PADI1: variants seen among roughly 807,000 people sequenced by gnomAD.
PADI1 encodes protein-arginine deiminase type-1.
PADI1 carries 65 observed loss-of-function variants against 74.8 expected under a neutral mutation model. That is an observed-to-expected ratio of 0.87 (90% CI 0.71 to 1.07). The LOEUF (loss-of-function observed/expected upper bound fraction) is 1.07. Among genes scored for constraint, PADI1 ranks in the 50% least tolerant of loss-of-function variants. The pLI, the probability that PADI1 is intolerant of heterozygous loss-of-function variation, is 0.00. For missense variants in PADI1, 943 were observed against 854.0 expected (o/e 1.10, Z -1.30); for synonymous variants, 371 against 336.2 (o/e 1.10, Z -1.13).
intron 2 of PADI1, 48 bp downstream of exon 2, chr1:17,222,518 A>G: frequency 7.0e-7 from 1 of 1,428,650 alleles, no homozygotes; most frequent in African/African-American, 1.4e-5. Flanking sequence ...CTCCACCCCC[A>G]TCCAAGGTAA....
chr1:17,223,585 G>T (rs754929800), intron 2 of PADI1, 36 bp from the exon 3 acceptor site: 5 of 1,559,322 alleles, frequency 3.2e-6, no homozygotes, highest in Non-Finnish European at 4.4e-6. Flanking sequence ...ATCTCTGAAG[G>T]TGATGGCCGT....
At chr1:17,227,029 C>CT (rs201738824) in intron 6 of PADI1, among the ~76,000 whole-genome samples, 9 of 140,468 alleles carry the variant, frequency 6.4e-5, no homozygotes, top group African/African-American at 1.6e-4. Context: ...GAGACTCTGT[C>CT]TAAAAAAAAA....
At chr1:17,240,902 T>C (rs2072763056) in intron 15 of PADI1, 142 bp downstream of exon 15, 1 of 987,472 alleles carries the variant, frequency 1.0e-6, no homozygotes, top group Non-Finnish European at 1.5e-6. Flanking sequence ...ATAGAGAACA[T>C]TCCCATCAGT....
In PADI1 at chr1:17,226,176, G is replaced by A. The variant is rs1412759437; in HGVS notation, c.652+18G>A. On this transcript the variant is annotated intron_variant, in intron 6 of 15. Coordinates refer to ENST00000375471, the MANE Select transcript of PADI1 (RefSeq NM_013358.3). ...TGCCAGGGGTGAGTGGCCTGATGGG[G>A]CCTTTTCCTCCCAGCTCCATCCATA... is the stretch of plus-strand genomic sequence containing the variant. 3 of 1,613,552 alleles carry A rather than the reference G, an allele frequency of 1.9e-6. No individual in the cohort carries two copies. Among genetic ancestry groups the A allele is most frequent in the East Asian group, 2.2e-5 (1 of 44,874 alleles).
chr1:17,242,531 G>A (rs528949270), intron 15 of PADI1, among the ~76,000 whole-genome samples: 53 of 152,316 alleles, frequency 3.5e-4, no homozygotes, highest in Non-Finnish European at 4.7e-4. Flanking sequence ...AGGCTGGAGC[G>A]TGTGTGTCTG....
At chr1:17,227,439 G>A (rs1368585917) in intron 6 of PADI1, among the ~76,000 whole-genome samples, 1 of 150,554 alleles carries the variant, frequency 6.6e-6, no homozygotes, top group Admixed American at 6.6e-5. Context: ...GCTGAAGTGG[G>A]AGGATCACTT....
chr1:17,223,108 C>G (rs778664303), intron 2 of PADI1, among the ~76,000 whole-genome samples: 11 of 152,158 alleles, frequency 7.2e-5, no homozygotes, highest in Non-Finnish European at 1.5e-4. Context: ...AGGCAGGGTC[C>G]GGACAGTCTC....
At position 17,232,814 on chromosome 1, in the gene PADI1, C is replaced by T. The variant is rs180710990; in HGVS notation, c.1162-5C>T. On this transcript the variant is annotated splice_region_variant and splice_polypyrimidine_tract_variant and intron_variant, in intron 10 of 15. Transcript: ENST00000375471. ...GGGGTGGGGGTCTCGCTGGTTCTTC[C>T]ATAGGGTCCTGACTTTGGATATGTT... is the stretch of plus-strand genomic sequence containing the variant. The T allele has an allele frequency of 1.6e-3, 2,559 of 1,609,152 alleles. 7 individuals carry two copies. The highest frequency in any genetic ancestry group is 2.0e-3 in the Non-Finnish European group (2,384 of 1,176,972).
intron 8 of PADI1, among the ~76,000 whole-genome samples, chr1:17,229,554 C>T (rs1229543481): frequency 2.0e-5 from 3 of 152,216 alleles, no homozygotes; most frequent in East Asian, 1.9e-4. Flanking sequence ...CCCTGCCAGG[C>T]CTCTGTGCCA....
rs1256093142 is a variant in PADI1, at chr1:17,225,924, G to A, written c.522G>A (p.Leu174=). ...PDLTHSWLMS[L]ADLQDMSPML... is the part of the protein sequence containing the mutation. ...TCACCCACAGCTGGCTGATGTCGCT[G>A]GCTGGTGAGTGACACAAGGTGTTGT... Residue 174 remains leucine, a synonymous_variant, in exon 5 of 16, where the codon CTG becomes CTA. Coordinates refer to ENST00000375471, the MANE Select transcript of PADI1 (RefSeq NM_013358.3). 2 of 1,613,638 alleles carry A rather than the reference G, an allele frequency of 1.2e-6. No individual in the cohort carries two copies. The highest frequency in any genetic ancestry group is 3.3e-5 in the Admixed American group (2 of 60,008).
At position 17,244,671 on chromosome 1, in the gene PADI1, G is replaced by C. The variant is rs1569861874; in HGVS notation, c.*428G>C. ...TGGGGTCTGGTGTGCCAGGCACCAG[G>C]CTGCCTCTGCTCTTGGAAAACTAGG... On this transcript the variant is annotated 3_prime_UTR_variant, in exon 16 of 16. Transcript: ENST00000375471. 1 of 353,514 alleles carries C rather than the reference G, an allele frequency of 2.8e-6. No homozygotes were observed. The highest frequency in any genetic ancestry group is 5.6e-6 in the Non-Finnish European group (1 of 179,054). The allele number at this position is 353,514 out of a possible 1,614,324, so 21.9% of individuals were successfully genotyped here.
intron 15 of PADI1, 107 bp from the exon 16 acceptor site, chr1:17,243,903 A>G (rs1428225949): frequency 2.7e-6 from 2 of 740,662 alleles, no homozygotes; most frequent in Non-Finnish European, 4.5e-6. Flanking sequence ...GGCTGTGGCT[A>G]TGGCCAACCC....
intron 4 of PADI1, among the ~76,000 whole-genome samples, chr1:17,224,989 G>A (rs2072268101): frequency 6.6e-6 from 1 of 152,168 alleles, no homozygotes; most frequent in Non-Finnish European, 1.5e-5. Context: ...GGACAAGGTG[G>A]GCAGGGCTGC....
At chr1:17,226,281 C>T in intron 6 of PADI1, 123 bp downstream of exon 6, 2 of 1,043,200 alleles carry the variant, frequency 1.9e-6, no homozygotes, top group Non-Finnish European at 2.9e-6. Context: ...CAAACAACCA[C>T]TCCATCAGTA....
At chr1:17,239,505 C>G (rs1466470297) in intron 13 of PADI1, 199 bp from the exon 14 acceptor site, 2 of 550,136 alleles carry the variant, frequency 3.6e-6, no homozygotes, top group Non-Finnish European at 6.6e-6. Context: ...CTGAGGGGTT[C>G]CTTATCCATC....
At chr1:17,207,180 CG>C (rs1290217467) in intron 1 of PADI1, among the ~76,000 whole-genome samples, 4 of 152,196 alleles carry the variant, frequency 2.6e-5, no homozygotes, top group Non-Finnish European at 5.9e-5. Context: ...AAACATTTCA[CG>C]GGGAGCCGGG....
At chr1:17,226,598 A>G (rs2072319534) in intron 6 of PADI1, among the ~76,000 whole-genome samples, 3 of 152,182 alleles carry the variant, frequency 2.0e-5, no homozygotes, top group African/African-American at 7.2e-5. Flanking sequence ...CTTTCTCATC[A>G]GAGTTTTTAT....
intron 1 of PADI1, among the ~76,000 whole-genome samples, chr1:17,214,709 C>T (rs186901268): frequency 6.6e-6 from 1 of 152,280 alleles, no homozygotes; most frequent in East Asian, 1.9e-4. Context: ...GCCTGGGGCT[C>T]CCCACAAGCT....
intron 2 of PADI1, among the ~76,000 whole-genome samples, chr1:17,222,839 T>TGC (rs1435662466): frequency 6.6e-6 from 1 of 152,134 alleles, no homozygotes; most frequent in African/African-American, 2.4e-5. Flanking sequence ...CCCGTGCAGG[T>TGC]GCACACACAC....
Sources: gnomAD v4.1 joint callset for allele counts (sites outside exome capture counted in the v4.1 genomes callset) on GRCh38, gnomAD v4.1.1 for gene constraint, MANE v1.5 for transcripts, NCBI Gene and HGNC (gene_info 2026-07-23, HGNC 2026-07-21) for gene names.